The following TAF1A variants were observed in gnomAD, a reference collection of about 807,000 sequenced individuals.
The protein encoded by TAF1A is TATA box-binding protein-associated factor RNA polymerase I subunit A.
TAF1A carries 42 observed loss-of-function variants against 61.6 expected under a neutral mutation model. The observed-to-expected ratio is 0.68, with a 90% CI of 0.53 to 0.88. The LOEUF (loss-of-function observed/expected upper bound fraction) is 0.88, where lower values mean the gene tolerates loss of function less well. Ranked by LOEUF, TAF1A falls within the 40% of genes least tolerant of loss-of-function variation. The pLI is 0.00. For missense variants in TAF1A, 424 were observed against 518.7 expected (o/e 0.82, Z 1.77); for synonymous variants, 179 against 177.7 (o/e 1.01, Z -0.06).
chr1:222,570,666 C>T lies in TAF1A; in HGVS notation c.605-1G>A, dbSNP rs753167436. On this transcript the variant is annotated splice_acceptor_variant, in intron 5 of 10. Coordinates refer to ENST00000352967, the MANE Select transcript of TAF1A (RefSeq NM_005681.4). LOFTEE classifies it high-confidence loss of function. ...GCATTGTAAGCATAATCATCCTTAT[C>T]TGCCCAAAGATACAAGATCTTTTAA... 1.9e-6 allele frequency: 3 copies of T among 1,602,220 alleles called. No individual in the cohort carries two copies. In the South Asian group the frequency reaches 3.4e-5, roughly 18 times the overall value.
In TAF1A at chr1:222,584,284, T is replaced by C. The variant is rs147013039; in HGVS notation, c.135A>G (p.Lys45=). The change falls in exon 3 of 11, where the codon AAA becomes AAG. Residue 45 remains lysine (K), a synonymous_variant. Coordinates refer to ENST00000352967, the MANE Select transcript of TAF1A (RefSeq NM_005681.4). The part of the protein sequence containing the change: ...TYVETVAIGG[K]RRKDFAQTTS... Reference sequence around the variant, plus strand: ...TTGTCTGAGCAAAATCCTTCCTCCTTTTCCCTCCAATGGCTATAAAAACGA... The same window carrying C: ...TTGTCTGAGCAAAATCCTTCCTCCTCTTCCCTCCAATGGCTATAAAAACGA... 3.2e-5 allele frequency: 51 copies of C among 1,601,062 alleles called. No homozygotes were observed. The African/African-American group carries it at 6.7e-4, about 21-fold the overall frequency.
At chr1:222,581,563 A>G (rs1380023895) in intron 3 of TAF1A, among the ~76,000 whole-genome samples, 1 of 152,216 alleles carries the variant, frequency 6.6e-6, no homozygotes, top group African/African-American at 2.4e-5. Flanking sequence ...AATAACCAAG[A>G]AATATAATTA....
chr1:222,575,351 T>C (rs1660525078), intron 5 of TAF1A, among the ~76,000 whole-genome samples: 1 of 151,506 alleles, frequency 6.6e-6, no homozygotes, highest in Non-Finnish European at 1.5e-5. Flanking sequence ...TAAGACCCCA[T>C]CTTCACAAAA....
chr1:222,588,392 T>C (rs1199718273), intron 2 of TAF1A, 51 bp downstream of exon 2: 1 of 1,592,724 alleles, frequency 6.3e-7, no homozygotes, highest in Non-Finnish European at 8.6e-7. Context: ...CCCTATTGAA[T>C]CTTACCACCT....
At chr1:222,589,217 C>T (rs888903966) in intron 1 of TAF1A, among the ~76,000 whole-genome samples, 4 of 152,150 alleles carry the variant, frequency 2.6e-5, no homozygotes, top group African/African-American at 9.7e-5. Context: ...CCTAAAGATG[C>T]TCAGGGCCCC....
chr1:222,555,740 G>A (rs955418142), downstream of TAF1A, among the ~76,000 whole-genome samples: 2 of 152,066 alleles, frequency 1.3e-5, no homozygotes, highest in Admixed American at 6.5e-5. Flanking sequence ...ATACATAATG[G>A]TAATTATGTA....
chr1:222,559,857 G>A (rs955237451), intron 10 of TAF1A, among the ~76,000 whole-genome samples: 5 of 152,118 alleles, frequency 3.3e-5, no homozygotes, highest in African/African-American at 1.2e-4. Context: ...TGTCTGTAGT[G>A]TTACTAAAAT....
downstream of TAF1A, among the ~76,000 whole-genome samples, chr1:222,555,698 A>G (rs1043768872): frequency 2.6e-5 from 4 of 152,186 alleles, no homozygotes; most frequent in Non-Finnish European, 5.9e-5. Context: ...GAAAGATCTT[A>G]TATCTTCTCA....
chr1:222,574,232 T>C (rs1222173790), intron 5 of TAF1A, among the ~76,000 whole-genome samples: 1 of 152,108 alleles, frequency 6.6e-6, no homozygotes, highest in African/African-American at 2.4e-5. Flanking sequence ...ATATTTTAAG[T>C]GGGTGAATTT....
intron 3 of TAF1A, among the ~76,000 whole-genome samples, chr1:222,581,175 A>G (rs1217847783): frequency 6.6e-6 from 1 of 152,202 alleles, no homozygotes; most frequent in Non-Finnish European, 1.5e-5. Context: ...TATACTTTGA[A>G]TGAAAGCCCT....
chr1:222,567,039 AAC>A lies in TAF1A; in HGVS notation c.894+2469_894+2470del, dbSNP rs776966514. On this transcript the variant is annotated intron_variant, in intron 7 of 10. Transcript: ENST00000352967. ...CATTACTTATAATAGCCAAACAACA[AAC>A]ACAACCCAAATGTCTACCAAGAAAT... Among the ~76,000 whole-genome samples, 76 of 152,312 alleles carry A rather than the reference AAC, an allele frequency of 5.0e-4. 1 individual carries two copies. Among genetic ancestry groups the A allele is most frequent in the Non-Finnish European group, 1.3e-4 (9 of 68,022 alleles).
rs780913106 is a variant in TAF1A at position 222,588,456 on chromosome 1, GT to G, written c.107del (p.Tyr36SerfsTer2). The G allele has an allele frequency of 8.7e-6, 14 of 1,613,140 alleles. No homozygotes were observed. The highest frequency in any genetic ancestry group is 1.2e-5 in the Non-Finnish European group (14 of 1,179,728). On this transcript the variant is annotated frameshift_variant, in exon 2 of 11. Transcript: ENST00000352967. LOFTEE classifies it high-confidence loss of function. ...AGMHFPWLQT[Y>X]VETVAIGGKR... ...TATTTTACTTACCCACAGTTTCTAC[GT>G]ATGTTTGAAGCCAAGGAAAATGCAT...
At chr1:222,563,946 C>A in intron 8 of TAF1A, 113 bp downstream of exon 8, 1 of 682,040 alleles carries the variant, frequency 1.5e-6, no homozygotes, top group South Asian at 1.7e-5. Flanking sequence ...TCCAACAGAA[C>A]TTGATTTATA....
At chr1:222,588,118 C>T (rs918640050) in intron 2 of TAF1A, among the ~76,000 whole-genome samples, 2 of 152,110 alleles carry the variant, frequency 1.3e-5, no homozygotes, top group Non-Finnish European at 2.9e-5. Flanking sequence ...ACAGCAACTT[C>T]TTGAACACTT....
chr1:222,554,654 T>C (rs1659707759), downstream of TAF1A, among the ~76,000 whole-genome samples: 1 of 152,212 alleles, frequency 6.6e-6, no homozygotes, highest in Non-Finnish European at 1.5e-5. Context: ...ACAATGTTTC[T>C]ATTTATTGAG....
chr1:222,562,767 G>A (rs970006109), intron 9 of TAF1A, among the ~76,000 whole-genome samples: 1 of 152,072 alleles, frequency 6.6e-6, no homozygotes, highest in African/African-American at 2.4e-5. Flanking sequence ...ATCTTGTCAG[G>A]TCCTAAAAAT....
chr1:222,567,612 G>A (rs1371779192), intron 7 of TAF1A, among the ~76,000 whole-genome samples: 1 of 152,112 alleles, frequency 6.6e-6, no homozygotes, highest in Non-Finnish European at 1.5e-5. Flanking sequence ...GGAGAGACAT[G>A]CCATGTTTAC....
At chr1:222,574,869 TGA>T (rs1243128149) in intron 5 of TAF1A, among the ~76,000 whole-genome samples, 1 of 152,200 alleles carries the variant, frequency 6.6e-6, no homozygotes, top group African/African-American at 2.4e-5. Context: ...GGGATTTTCT[TGA>T]GAGAGAATGG....
intron 4 of TAF1A, among the ~76,000 whole-genome samples, chr1:222,579,016 G>T (rs1660683893): frequency 6.6e-6 from 1 of 152,154 alleles, no homozygotes; most frequent in Admixed American, 6.5e-5. Flanking sequence ...TGGCTATCCA[G>T]TTTAGACCTG....
Sources: allele counts gnomAD v4.1 joint callset (sites outside exome capture counted in the v4.1 genomes callset), GRCh38; gene constraint gnomAD v4.1.1; transcripts MANE v1.5; gene names NCBI Gene and HGNC (gene_info 2026-07-23, HGNC 2026-07-21).